ZNF704: variants seen among roughly 807,000 people sequenced by gnomAD.
ZNF704 encodes the protein zinc finger protein 704.
In ZNF704, 10 loss-of-function variants were observed where a neutral mutation model predicts 44.7. The ratio of observed to expected loss-of-function variants is 0.22; its 90% CI spans 0.14 to 0.38. ZNF704 has a LOEUF of 0.38. Ranked by LOEUF, ZNF704 falls within the 10% of genes least tolerant of loss-of-function variation. The pLI, the probability that ZNF704 is intolerant of heterozygous loss-of-function variation, is 1.00. For synonymous variants in ZNF704, 211 were observed against 207.6 expected, an observed-to-expected ratio of 1.02 and a Z score of -0.14; for missense variants, 390 against 545.5, an observed-to-expected ratio of 0.71 and a Z score of 2.84.
chr8:80,821,402 AAAC>A lies in ZNF704; in HGVS notation c.190_192del (p.Val64del), dbSNP rs779405224. The A allele has an allele frequency of 1.9e-6, 3 of 1,613,664 alleles. No homozygotes were observed. Among genetic ancestry groups the A allele is most frequent in the Non-Finnish European group, 2.5e-6 (3 of 1,179,950 alleles). On this transcript the variant is annotated inframe_deletion, in exon 2 of 9. Transcript: ENST00000327835. ...GCTGGAGGAACATCAATGTTGGAGG[AAAC>A]AACTTTTCTTTTTTGCTCAAGGAGA...
intron 2 of ZNF704, among the ~76,000 whole-genome samples, chr8:80,756,829 G>A (rs530247603): frequency 3.3e-5 from 5 of 152,242 alleles, no homozygotes; most frequent in South Asian, 2.1e-4. Flanking sequence ...AAAAAATGGC[G>A]AGCAGGACAC....
At chr8:80,862,436 A>G (rs1781323130) in intron 1 of ZNF704, among the ~76,000 whole-genome samples, 1 of 151,814 alleles carries the variant, frequency 6.6e-6, no homozygotes, top group African/African-American at 2.4e-5. Flanking sequence ...TCTCTTTTAG[A>G]TATCTTTTTT....
At chr8:80,820,637 T>A in intron 2 of ZNF704, among the ~76,000 whole-genome samples, 1 of 152,164 alleles carries the variant, frequency 6.6e-6, no homozygotes, top group East Asian at 1.9e-4. Flanking sequence ...CAGTAACTCA[T>A]GCCTGTAATC....
At chr8:80,782,207 A>G (rs1354249228) in intron 2 of ZNF704, among the ~76,000 whole-genome samples, 1 of 152,232 alleles carries the variant, frequency 6.6e-6, no homozygotes, top group African/African-American at 2.4e-5. Context: ...AAGTATGCAT[A>G]ACAGAAATCC....
chr8:80,883,228 A>G, the ZNF704 span, among the ~76,000 whole-genome samples: 1 of 146,326 alleles, frequency 6.8e-6, no homozygotes, highest in African/African-American at 2.5e-5. Context: ...CCTGGGTGAC[A>G]GAGTGAGACA....
intron 1 of ZNF704, among the ~76,000 whole-genome samples, chr8:80,854,290 A>G (rs913398270): frequency 3.3e-5 from 5 of 152,260 alleles, no homozygotes; most frequent in African/African-American, 1.2e-4. Flanking sequence ...CTCTCTAGTG[A>G]TATGTTCCAG....
intron 2 of ZNF704, among the ~76,000 whole-genome samples, chr8:80,756,552 A>C (rs1352707861): frequency 6.6e-6 from 1 of 152,182 alleles, no homozygotes; most frequent in East Asian, 1.9e-4. Flanking sequence ...GGTTGTTTGG[A>C]ACAATTTCTG....
chr8:80,690,904 G>A lies in ZNF704; in HGVS notation c.325+2100C>T, dbSNP rs78332358. Among the ~76,000 whole-genome samples the A allele has an allele frequency of 2.0e-3, 297 of 152,268 alleles. 6 individuals carry two copies. In the East Asian group the frequency reaches 0.052, roughly 27 times the overall value. The stretch of plus-strand genomic sequence containing the variant: ...CATGCCAGTAATCTCAGCTACTTGG[G>A]AGACTGAGGCATGAGAATCACTTGA... On this transcript the variant is annotated intron_variant, in intron 3 of 8. Transcript: ENST00000327835.
chr8:80,824,277 C>A (rs200889674), intron 1 of ZNF704, among the ~76,000 whole-genome samples: 2 of 152,076 alleles, frequency 1.3e-5, no homozygotes, highest in Admixed American at 6.5e-5. Flanking sequence ...CTACGTGACG[C>A]ATGCACAAGC....
intron 2 of ZNF704, among the ~76,000 whole-genome samples, chr8:80,744,156 C>T (rs748341075): frequency 6.6e-6 from 1 of 152,106 alleles, no homozygotes; most frequent in Non-Finnish European, 1.5e-5. Context: ...ATACTGATTA[C>T]ATATTGAAAT....
chr8:80,864,482 A>C (rs1013546323), intron 1 of ZNF704, among the ~76,000 whole-genome samples: 1 of 152,188 alleles, frequency 6.6e-6, no homozygotes, highest in Non-Finnish European at 1.5e-5. Flanking sequence ...TGTGTGTTAT[A>C]TTACTCTTCC....
chr8:80,675,298 C>T lies in ZNF704; in HGVS notation c.559-4695G>A, dbSNP rs184260442. Among the ~76,000 whole-genome samples, 8 of 152,168 alleles carry T rather than the reference C, an allele frequency of 5.3e-5. No homozygotes were observed. The East Asian group carries it at 1.2e-3, about 22-fold the overall frequency. ...GCCTCTTGGAGGCCAGAAAGAATGACGGTGTGTTTAGAATGAAATGTGGGA... is the reference window on the plus strand; with the variant it reads ...GCCTCTTGGAGGCCAGAAAGAATGATGGTGTGTTTAGAATGAAATGTGGGA... On this transcript the variant is annotated intron_variant, in intron 4 of 8. Transcript: ENST00000327835.
chr8:80,787,249 T>C (rs1807629775), intron 2 of ZNF704, among the ~76,000 whole-genome samples: 1 of 152,248 alleles, frequency 6.6e-6, no homozygotes, highest in Admixed American at 6.5e-5. Flanking sequence ...GCCAGATTTT[T>C]TCTCTTTACC....
At chr8:80,748,703 G>C (rs1261613962) in intron 2 of ZNF704, among the ~76,000 whole-genome samples, 1 of 152,200 alleles carries the variant, frequency 6.6e-6, no homozygotes, top group Non-Finnish European at 1.5e-5. Context: ...ATAGGAAAAA[G>C]TTCTAGAAAC....
chr8:80,781,546 C>T (rs1807523170), intron 2 of ZNF704, among the ~76,000 whole-genome samples: 1 of 152,208 alleles, frequency 6.6e-6, no homozygotes. Flanking sequence ...CCACAGTTTG[C>T]CAACCTCAGC....
chr8:80,829,067 T>C (rs1808426341), intron 1 of ZNF704, among the ~76,000 whole-genome samples: 2 of 152,228 alleles, frequency 1.3e-5, no homozygotes, highest in South Asian at 4.1e-4. Flanking sequence ...AAACTCACAA[T>C]ATTTCTTAGA....
At chr8:80,834,993 T>G (rs1420023180) in intron 1 of ZNF704, among the ~76,000 whole-genome samples, 1 of 152,182 alleles carries the variant, frequency 6.6e-6, no homozygotes, top group Non-Finnish European at 1.5e-5. Context: ...CTACAGCAAG[T>G]TTTAACTTTA....
chr8:80,756,497 G>A (rs940366725), intron 2 of ZNF704, among the ~76,000 whole-genome samples: 3 of 152,118 alleles, frequency 2.0e-5, no homozygotes, highest in African/African-American at 2.4e-5. Flanking sequence ...TGAAAATGAA[G>A]AGGTTCATAT....
chr8:80,639,116 A>G lies in ZNF704; in HGVS notation c.*2250T>C, dbSNP rs1011862804. 6.6e-6 allele frequency: 1 copy of G among 152,296 alleles called. No homozygotes were observed. Among genetic ancestry groups the G allele is most frequent in the African/African-American group, 2.4e-5 (1 of 41,450 alleles). The allele number at this position is 152,296 out of a possible 1,614,324, so 9.4% of individuals were successfully genotyped here. ...AGTTCTGGGATGGGGGATGGATTTTATACTTCATGACTTGAATCTTTTTCT... is the reference window on the plus strand; with the variant it reads ...AGTTCTGGGATGGGGGATGGATTTTGTACTTCATGACTTGAATCTTTTTCT... On this transcript the variant is annotated 3_prime_UTR_variant, in exon 9 of 9. Coordinates refer to ENST00000327835, the MANE Select transcript of ZNF704 (RefSeq NM_001033723.3).
Sources: allele counts gnomAD v4.1 joint callset (sites outside exome capture counted in the v4.1 genomes callset), GRCh38; gene constraint gnomAD v4.1.1; transcripts MANE v1.5; gene names NCBI Gene and HGNC (gene_info 2026-07-23, HGNC 2026-07-21).